FREM1: variants seen among roughly 807,000 people sequenced by gnomAD.
FREM1 encodes FRAS1-related extracellular matrix protein 1.
Under a neutral mutation model 210.1 loss-of-function variants are expected in FREM1, and 220 were observed. The ratio of observed to expected loss-of-function variants is 1.05; its 90% CI spans 0.94 to 1.17. FREM1 has a LOEUF of 1.17. FREM1 is among the 50% of genes most tolerant of loss of function. The pLI, the probability that FREM1 is intolerant of heterozygous loss-of-function variation, is 0.00. For missense variants in FREM1, 3,454 were observed against 2,675.5 expected (o/e 1.29, Z -6.42); for synonymous variants, 1,189 against 980.2 (o/e 1.21, Z -3.98).
chr9:14,824,917 C>A lies in FREM1; in HGVS notation c.1957G>T (p.Val653Phe). ...ATATAGGCCACCTCAGTTTCCTTGA[C>A]AACCAAATGCCGAGAAACTCCAGGA... ...EAPGVSRHLVVKETEVAYITK... is the reference protein window; with the variant it reads ...EAPGVSRHLVFKETEVAYITK... The change falls in exon 11 of 37, where the codon GTC becomes TTC. Residue 653 changes from valine (V) to phenylalanine (F), a missense_variant. By Grantham distance (50) the Val-to-Phe change is conservative (BLOSUM62 -1). Coordinates refer to ENST00000380880, the MANE Select transcript of FREM1 (RefSeq NM_001379081.2). 1 of 1,610,892 alleles carries A rather than the reference C, an allele frequency of 6.2e-7. No individual in the cohort carries two copies. Among genetic ancestry groups the A allele is most frequent in the Non-Finnish European group, 8.5e-7 (1 of 1,179,024 alleles).
intron 10 of FREM1, among the ~76,000 whole-genome samples, chr9:14,827,280 G>A (rs756735879): frequency 2.0e-5 from 3 of 152,190 alleles, no homozygotes; most frequent in African/African-American, 4.8e-5. Flanking sequence ...AGATGGAAAT[G>A]AGGAATATCT....
At chr9:14,832,061 C>T (rs1359963549) in intron 10 of FREM1, among the ~76,000 whole-genome samples, 1 of 152,192 alleles carries the variant, frequency 6.6e-6, no homozygotes, top group South Asian at 2.1e-4. Context: ...ACATGCACTC[C>T]CCTGGAACAT....
At chr9:14,861,399 G>C (rs564971965) in intron 3 of FREM1, among the ~76,000 whole-genome samples, 3 of 145,944 alleles carry the variant, frequency 2.1e-5, no homozygotes, top group South Asian at 4.3e-4. Flanking sequence ...ACATATATAT[G>C]TAATGGGGTA....
intron 14 of FREM1, among the ~76,000 whole-genome samples, chr9:14,818,451 G>A (rs58593445): frequency 6.6e-6 from 1 of 152,276 alleles, no homozygotes; most frequent in Middle Eastern, 3.4e-3. Context: ...CTAAGCATCT[G>A]ATGTATAATA....
At chr9:14,835,146 A>T (rs1282945233) in intron 10 of FREM1, among the ~76,000 whole-genome samples, 1 of 152,238 alleles carries the variant, frequency 6.6e-6, no homozygotes, top group East Asian at 1.9e-4. Flanking sequence ...GCACTCACAA[A>T]GTTAAAGCAA....
chr9:14,867,684 G>C (rs1831801758), intron 2 of FREM1, among the ~76,000 whole-genome samples: 1 of 152,092 alleles, frequency 6.6e-6, no homozygotes, highest in South Asian at 2.1e-4. Flanking sequence ...TAACCTCGTG[G>C]ATTAGTTTTC....
Position 14,861,224 on chromosome 9 carries a change from T to C in FREM1, c.330-1740A>G, listed in dbSNP as rs1370981578. 2.7e-4 allele frequency among the ~76,000 whole-genome samples: 27 copies of C among 101,482 alleles called. 4 individuals are homozygous for C. The highest frequency in any genetic ancestry group is 9.3e-4 in the African/African-American group (21 of 22,688). 66.6% of individuals were successfully genotyped at this position (101,482 alleles called of 152,430 possible). ...ATACACACATATACATATATACACA[T>C]ATATACACATATATACACACATATA... is the stretch of plus-strand genomic sequence containing the variant. On this transcript the variant is annotated intron_variant, in intron 3 of 36. Coordinates refer to ENST00000380880, the MANE Select transcript of FREM1 (RefSeq NM_001379081.2).
intron 10 of FREM1, among the ~76,000 whole-genome samples, chr9:14,835,584 A>T (rs1259825728): frequency 6.6e-6 from 1 of 152,194 alleles, no homozygotes; most frequent in Non-Finnish European, 1.5e-5. Flanking sequence ...ATAGGTCTGG[A>T]AGCTATGAGT....
chr9:14,759,369 G>C (rs886958013), intron 28 of FREM1, among the ~76,000 whole-genome samples: 18 of 151,940 alleles, frequency 1.2e-4, no homozygotes, highest in African/African-American at 4.3e-4. Flanking sequence ...AATTAGCAGG[G>C]CCTGGTGGCA....
At chr9:14,829,743 T>C (rs989650257) in intron 10 of FREM1, among the ~76,000 whole-genome samples, 16 of 152,246 alleles carry the variant, frequency 1.1e-4, no homozygotes, top group African/African-American at 3.4e-4. Flanking sequence ...TACTCTGTTG[T>C]AGCAGTACAA....
chr9:14,743,192 T>G (rs1841867548), intron 35 of FREM1, among the ~76,000 whole-genome samples: 1 of 152,140 alleles, frequency 6.6e-6, no homozygotes, highest in Admixed American at 6.5e-5. Context: ...TTAGATTAAG[T>G]GCATGAGAAA....
chr9:14,802,950 G>A (rs12350382), intron 19 of FREM1, among the ~76,000 whole-genome samples: 17,226 of 151,966 alleles, frequency 0.11, 999 homozygotes, highest in South Asian at 0.13. Flanking sequence ...GACATGTATG[G>A]TTTGAATTTG....
Position 14,851,550 on chromosome 9 carries a change from T to C in FREM1, c.886A>G (p.Lys296Glu). Reference sequence around the variant, plus strand: ...ATAAACACGGCCATGAATGCAGCCTTTGGAATCTGATTCGGAATTCCAGCT... The same window carrying C: ...ATAAACACGGCCATGAATGCAGCCTCTGGAATCTGATTCGGAATTCCAGCT... ...IRAGIPNQIP[K>E]AAFMAVFILE... Residue 296 changes from lysine to glutamate, a missense_variant, in exon 6 of 37, where the codon AAG becomes GAG. Transcript: ENST00000380880. 1 of 1,614,006 alleles carries C rather than the reference T, an allele frequency of 6.2e-7. No homozygotes were observed. The highest frequency in any genetic ancestry group is 1.7e-5 in the Admixed American group (1 of 60,028).
chr9:14,747,606 A>T (rs1320139302), intron 32 of FREM1, 75 bp downstream of exon 32: 19 of 1,061,786 alleles, frequency 1.8e-5, no homozygotes, highest in Non-Finnish European at 2.5e-5. Context: ...AATATAAAAA[A>T]TATAAAATAA....
chr9:14,739,009 C>CAA (rs386414499), intron 36 of FREM1, among the ~76,000 whole-genome samples: 32,064 of 87,398 alleles, frequency 0.37, 6,919 homozygotes, highest in East Asian at 0.55. Context: ...GATTCTGTCT[C>CAA]AAAAAAAAAA....
chr9:14,799,785 C>A (rs969547828), intron 20 of FREM1, among the ~76,000 whole-genome samples: 13 of 151,918 alleles, frequency 8.6e-5, no homozygotes, highest in Non-Finnish European at 1.5e-5. Flanking sequence ...TATATAAATG[C>A]ATTTTTTTCT....
At chr9:14,884,329 C>G (rs1293824108) in intron 1 of FREM1, among the ~76,000 whole-genome samples, 1 of 152,220 alleles carries the variant, frequency 6.6e-6, no homozygotes, top group African/African-American at 2.4e-5. Flanking sequence ...ATCCTCCTGA[C>G]ATGACTGCAA....
At chr9:14,764,951 T>C (rs1253615588) in intron 27 of FREM1, among the ~76,000 whole-genome samples, 1 of 152,152 alleles carries the variant, frequency 6.6e-6, no homozygotes, top group East Asian at 1.9e-4. Flanking sequence ...CTTCCTATAA[T>C]AATGTCATTA....
chr9:14,801,572 C>T, intron 20 of FREM1, 80 bp downstream of exon 20: 3 of 987,708 alleles, frequency 3.0e-6, no homozygotes, highest in Middle Eastern at 2.1e-4. Flanking sequence ...TTAGTTTGAC[C>T]TTTTTAGATT....
Sources: allele counts gnomAD v4.1 joint callset (sites outside exome capture counted in the v4.1 genomes callset), GRCh38; gene constraint gnomAD v4.1.1; transcripts MANE v1.5; gene names NCBI Gene and HGNC (gene_info 2026-07-23, HGNC 2026-07-21).